The following BCHE variants were observed in gnomAD, a reference collection of about 807,000 sequenced individuals.
BCHE encodes the protein cholinesterase.
Under a neutral mutation model 51.3 loss-of-function variants are expected in BCHE, and 48 were observed. The observed-to-expected ratio is 0.94, with a 90% CI of 0.74 to 1.19. The LOEUF is 1.19. BCHE is among the 50% of genes most tolerant of loss of function. The pLI, the probability that BCHE is intolerant of heterozygous loss-of-function variation, is 0.00. For synonymous variants in BCHE, 251 were observed against 238.0 expected, an observed-to-expected ratio of 1.05 and a Z score of -0.50; for missense variants, 847 against 708.2, an observed-to-expected ratio of 1.20 and a Z score of -2.23.
At chr3:165,794,102 T>C (rs1713275064) in intron 2 of BCHE, among the ~76,000 whole-genome samples, 1 of 151,842 alleles carries the variant, frequency 6.6e-6, no homozygotes, top group African/African-American at 2.4e-5. Flanking sequence ...AATTATAGTA[T>C]TTATTCTTAA....
At position 165,830,006 on chromosome 3, in the gene BCHE, G is replaced by GT. The variant is rs754214624; in HGVS notation, c.1027dup (p.Thr343AsnfsTer8). 131 of 1,613,672 alleles carry GT rather than the reference G, an allele frequency of 8.1e-5. No individual in the cohort carries two copies. Among genetic ancestry groups the GT allele is most frequent in the East Asian group, 4.2e-4 (19 of 44,856 alleles). On this transcript the variant is annotated frameshift_variant, in exon 2 of 4. Coordinates refer to ENST00000264381, the MANE Select transcript of BCHE (RefSeq NM_000055.4). LOFTEE classifies it high-confidence loss of function. ...TTTATTAACACCCACCAAAATCTGG[G>GT]TTTTTTTAAATTGTCCAAGTTCAAG...
chr3:165,795,189 T>C (rs1713326391), intron 2 of BCHE, among the ~76,000 whole-genome samples: 1 of 152,226 alleles, frequency 6.6e-6, no homozygotes, highest in African/African-American at 2.4e-5. Flanking sequence ...AAAACTCACA[T>C]TGAAAACTCA....
chr3:165,805,507 T>G (rs1576853378), intron 2 of BCHE, among the ~76,000 whole-genome samples: 1 of 152,180 alleles, frequency 6.6e-6, no homozygotes, highest in East Asian at 1.9e-4. Flanking sequence ...TGTTTCTTAG[T>G]GGCATACAAT....
chr3:165,797,102 C>A (rs1576846785), intron 2 of BCHE, among the ~76,000 whole-genome samples: 1 of 150,940 alleles, frequency 6.6e-6, no homozygotes, highest in Non-Finnish European at 1.5e-5. Context: ...GAAACTTTTT[C>A]TTTCCCTTCC....
At chr3:165,791,494 A>G (rs1281649934) in intron 2 of BCHE, among the ~76,000 whole-genome samples, 1 of 152,148 alleles carries the variant, frequency 6.6e-6, no homozygotes, top group Non-Finnish European at 1.5e-5. Flanking sequence ...TCTTACATGT[A>G]TTTTGTAGGT....
At chr3:165,802,687 T>C (rs1713708390) in intron 2 of BCHE, among the ~76,000 whole-genome samples, 1 of 151,932 alleles carries the variant, frequency 6.6e-6, no homozygotes, top group Non-Finnish European at 1.5e-5. Flanking sequence ...TTCATGAGCA[T>C]TTACATGATG....
intron 2 of BCHE, among the ~76,000 whole-genome samples, chr3:165,808,466 A>G (rs1713954506): frequency 6.6e-6 from 1 of 152,104 alleles, no homozygotes; most frequent in African/African-American, 2.4e-5. Flanking sequence ...TATTCCTTTT[A>G]GTAGCTGTTG....
At chr3:165,780,211 A>G (rs181885239) in intron 3 of BCHE, among the ~76,000 whole-genome samples, 6 of 152,344 alleles carry the variant, frequency 3.9e-5, no homozygotes, top group African/African-American at 1.4e-4. Context: ...AGCCATATGC[A>G]GAAAACTGAA....
Position 165,773,497 on chromosome 3 carries a change from T to C in BCHE, c.1694A>G (p.Asp565Gly). ...PKVLEMTGNIDEAEWEWKAGF... is the reference protein window; with the variant it reads ...PKVLEMTGNIGEAEWEWKAGF... Reference sequence around the variant, plus strand: ...TGCTTTCCACTCCCATTCTGCTTCATCAATATTTCCTGTAAAATATGGAAT... The same window carrying C: ...TGCTTTCCACTCCCATTCTGCTTCACCAATATTTCCTGTAAAATATGGAAT... The change falls in exon 4 of 4, where the codon GAT becomes GGT. Residue 565 changes from aspartate (D) to glycine (G), a missense_variant. Coordinates refer to ENST00000264381, the MANE Select transcript of BCHE (RefSeq NM_000055.4). 6.2e-7 allele frequency: 1 copy of C among 1,605,578 alleles called. No homozygotes were observed. Among genetic ancestry groups the C allele is most frequent in the Non-Finnish European group, 8.5e-7 (1 of 1,172,800 alleles).
At chr3:165,790,411 A>G (rs1040497834) in intron 2 of BCHE, among the ~76,000 whole-genome samples, 1 of 152,146 alleles carries the variant, frequency 6.6e-6, no homozygotes, top group Non-Finnish European at 1.5e-5. Flanking sequence ...TCTAAGTCCA[A>G]GATGCTCTAT....
intron 1 of BCHE, among the ~76,000 whole-genome samples, chr3:165,832,766 T>C (rs1231207818): frequency 2.0e-5 from 3 of 152,152 alleles, no homozygotes; most frequent in Non-Finnish European, 4.4e-5. Context: ...ATCCTACAAA[T>C]ACTAAGCATT....
chr3:165,833,369 C>A (rs993349385), intron 1 of BCHE, among the ~76,000 whole-genome samples: 44 of 152,158 alleles, frequency 2.9e-4, no homozygotes, highest in Admixed American at 1.6e-3. Context: ...AACTTAGATG[C>A]CATAGCCTAC....
intron 3 of BCHE, among the ~76,000 whole-genome samples, chr3:165,774,342 A>AT (rs958073546): frequency 3.3e-4 from 49 of 150,614 alleles, no homozygotes; most frequent in African/African-American, 8.3e-4. Flanking sequence ...TTATTTATTT[A>AT]TTTTTTTTTG....
At chr3:165,820,490 A>G (rs977807071) in intron 2 of BCHE, among the ~76,000 whole-genome samples, 1 of 152,032 alleles carries the variant, frequency 6.6e-6, no homozygotes, top group African/African-American at 2.4e-5. Flanking sequence ...AAAAGATTTA[A>G]AGTGATAGAA....
chr3:165,791,164 G>A (rs555140972), intron 2 of BCHE, among the ~76,000 whole-genome samples: 1 of 151,796 alleles, frequency 6.6e-6, no homozygotes, highest in Non-Finnish European at 1.5e-5. Flanking sequence ...GAGTGATGGC[G>A]GGCACCTGTA....
chr3:165,807,948 C>T (rs1001905569), intron 2 of BCHE, among the ~76,000 whole-genome samples: 9 of 151,968 alleles, frequency 5.9e-5, no homozygotes, highest in Admixed American at 2.0e-4. Context: ...TTAATGGAAA[C>T]TGACAACCTG....
intron 2 of BCHE, among the ~76,000 whole-genome samples, chr3:165,803,152 ATAAT>A (rs1338240584): frequency 6.6e-6 from 1 of 152,226 alleles, no homozygotes; most frequent in Admixed American, 6.5e-5. Context: ...TACATAATAA[ATAAT>A]TAATCATATA....
chr3:165,816,540 T>A (rs1193688687), intron 2 of BCHE, among the ~76,000 whole-genome samples: 1 of 151,992 alleles, frequency 6.6e-6, no homozygotes, highest in Non-Finnish European at 1.5e-5. Context: ...CCTCTCATTC[T>A]CTTTTGCATC....
At chr3:165,819,232 C>T (rs1714424516) in intron 2 of BCHE, among the ~76,000 whole-genome samples, 1 of 144,422 alleles carries the variant, frequency 6.9e-6, no homozygotes, top group Admixed American at 7.1e-5. Flanking sequence ...GCGTGCACCA[C>T]CACACCCAGC....
Sources: allele counts gnomAD v4.1 joint callset (sites outside exome capture counted in the v4.1 genomes callset), GRCh38; gene constraint gnomAD v4.1.1; transcripts MANE v1.5; gene names NCBI Gene and HGNC (gene_info 2026-07-23, HGNC 2026-07-21).